Variants in PRKCH observed in about 807,000 individuals in gnomAD.
PRKCH encodes the protein protein kinase C eta.
Under a neutral mutation model 82.5 loss-of-function variants are expected in PRKCH, and 28 were observed. The observed-to-expected ratio is 0.34, with a 90% confidence interval of 0.25 to 0.47. PRKCH has a LOEUF of 0.47. Among genes scored for constraint, PRKCH ranks in the 20% least tolerant of loss-of-function variants. The probability of loss-of-function intolerance (pLI) is 1.00; values close to 1 mark genes in which losing one functional copy is unlikely to be tolerated. For missense variants in PRKCH, 705 were observed against 881.8 expected (o/e 0.80, Z 2.54); for synonymous variants, 322 against 327.4 (o/e 0.98, Z 0.18).
In PRKCH at chr14:61,322,133, A is replaced by G. The variant is rs763038774; in HGVS notation, c.32A>G (p.Tyr11Cys). The change falls in exon 1 of 14, where the codon TAT becomes TGT. Residue 11 changes from tyrosine (Y) to cysteine (C), a missense_variant. Around this residue, in one of 5 missense-constraint regions of PRKCH, gnomAD observed 246 missense variants for 308.0 expected, o/e 0.80. Coordinates refer to ENST00000332981, the MANE Select transcript of PRKCH (RefSeq NM_006255.5). ...TCTGGCACCATGAAGTTCAATGGCTATTTGAGGGTCCGCATCGGTGAGGCA... is the reference window on the plus strand; with the variant it reads ...TCTGGCACCATGAAGTTCAATGGCTGTTTGAGGGTCCGCATCGGTGAGGCA... MSSGTMKFNGYLRVRIGEAVG... is the reference protein window; with the variant it reads MSSGTMKFNGCLRVRIGEAVG... 12 of 1,597,856 alleles carry G rather than the reference A, an allele frequency of 7.5e-6. No homozygotes were observed. The highest frequency in any genetic ancestry group is 1.0e-5 in the Non-Finnish European group (12 of 1,172,262).
chr14:61,507,384 A>T (rs1469262665), intron 10 of PRKCH, among the ~76,000 whole-genome samples: 1 of 152,180 alleles, frequency 6.6e-6, no homozygotes, highest in South Asian at 2.1e-4. Context: ...AGGTTCCTCA[A>T]AAAAATTACA....
chr14:61,548,031 G>A, intron 13 of PRKCH, 145 bp downstream of exon 13: 1 of 1,048,284 alleles, frequency 9.5e-7, no homozygotes, highest in Non-Finnish European at 1.4e-6. Flanking sequence ...TCCCCTGGGG[G>A]GAATCTGGGC....
chr14:61,189,562 AG>A (rs1318390418), intron 1 of PRKCH, among the ~76,000 whole-genome samples: 1 of 151,128 alleles, frequency 6.6e-6, no homozygotes, highest in Non-Finnish European at 1.5e-5. Context: ...TCCTGAGAGT[AG>A]GGGAGGCACA....
At position 61,366,762 on chromosome 14, in the gene PRKCH, T is replaced by C. The variant is rs555685762; in HGVS notation, c.364-24463T>C. ...TCTTCAGCATCTCTGTACTTTATGT[T>C]TATGTGTATACTTAGGCTTGCTTCA... On this transcript the variant is annotated intron_variant, in intron 1 of 13. Coordinates refer to ENST00000332981, the MANE Select transcript of PRKCH (RefSeq NM_006255.5). Among the ~76,000 whole-genome samples the C allele has an allele frequency of 1.3e-3, 204 of 152,194 alleles. 2 individuals carry two copies. The highest frequency in any genetic ancestry group is 6.6e-3 in the South Asian group (32 of 4,830).
At chr14:61,323,485 G>T (rs984977335) in intron 1 of PRKCH, among the ~76,000 whole-genome samples, 1 of 152,156 alleles carries the variant, frequency 6.6e-6, no homozygotes, top group African/African-American at 2.4e-5. Flanking sequence ...TTTAAGTTCT[G>T]GAGGGAGTCA....
intron 1 of PRKCH, among the ~76,000 whole-genome samples, chr14:61,253,295 T>C (rs2140074408): frequency 6.6e-6 from 1 of 152,396 alleles, no homozygotes; most frequent in East Asian, 1.9e-4. Context: ...CCTGCCAGTG[T>C]TGCACATTTT....
At chr14:61,439,606 G>A (rs552382168) in intron 2 of PRKCH, among the ~76,000 whole-genome samples, 7 of 146,790 alleles carry the variant, frequency 4.8e-5, no homozygotes, top group East Asian at 1.9e-4. Flanking sequence ...TGCACTCCCG[G>A]CCTGCTGTGG....
intron 1 of PRKCH, among the ~76,000 whole-genome samples, chr14:61,231,006 A>G (rs1252438999): frequency 1.3e-5 from 2 of 152,238 alleles, no homozygotes; most frequent in Non-Finnish European, 2.9e-5. Flanking sequence ...AAACTACTAC[A>G]TTGATTATAT....
At chr14:61,418,048 C>T (rs1406470319) in intron 2 of PRKCH, among the ~76,000 whole-genome samples, 1 of 152,216 alleles carries the variant, frequency 6.6e-6, no homozygotes, top group Non-Finnish European at 1.5e-5. Context: ...AATTGTCTTA[C>T]ATACGGAATA....
At chr14:61,472,064 A>G (rs1230879242) in intron 9 of PRKCH, among the ~76,000 whole-genome samples, 1 of 152,112 alleles carries the variant, frequency 6.6e-6, no homozygotes, top group Non-Finnish European at 1.5e-5. Flanking sequence ...TGGCATTGTT[A>G]GGGATGGAGC....
At chr14:61,358,058 C>T (rs1434506890) in intron 1 of PRKCH, among the ~76,000 whole-genome samples, 1 of 152,058 alleles carries the variant, frequency 6.6e-6, no homozygotes, top group Non-Finnish European at 1.5e-5. Context: ...AATTTAGAGA[C>T]CATATTATAT....
At chr14:61,460,122 C>T (rs28372494) in intron 9 of PRKCH, among the ~76,000 whole-genome samples, 3,509 of 152,288 alleles carry the variant, frequency 0.023, 145 homozygotes, top group African/African-American at 0.08. Flanking sequence ...TCTGGGATTA[C>T]AGGCGTGAGC....
intron 1 of PRKCH, among the ~76,000 whole-genome samples, chr14:61,325,198 A>C (rs541080705): frequency 1.3e-5 from 2 of 152,364 alleles, no homozygotes; most frequent in East Asian, 3.9e-4. Context: ...GGGGACTTAG[A>C]GTATCTGATT....
At chr14:61,282,319 G>T (rs2140093967) in intron 1 of PRKCH, among the ~76,000 whole-genome samples, 1 of 150,990 alleles carries the variant, frequency 6.6e-6, no homozygotes, top group Non-Finnish European at 1.5e-5. Flanking sequence ...TATACAAGGG[G>T]GTATTGGGAC....
At chr14:61,449,324 C>A in intron 5 of PRKCH, 72 bp downstream of exon 5, 1 of 1,278,654 alleles carries the variant, frequency 7.8e-7, no homozygotes, top group Non-Finnish European at 1.1e-6. Context: ...GTCTCTCTCC[C>A]TCCCTCCCTC....
intron 2 of PRKCH, among the ~76,000 whole-genome samples, chr14:61,402,046 A>T (rs192354358): frequency 6.6e-6 from 1 of 152,256 alleles, no homozygotes; most frequent in Non-Finnish European, 1.5e-5. Context: ...TGGAAAGTTT[A>T]TATCCACCAT....
At chr14:61,462,887 C>T (rs370621401) in intron 9 of PRKCH, among the ~76,000 whole-genome samples, 3 of 152,194 alleles carry the variant, frequency 2.0e-5, no homozygotes, top group Admixed American at 1.3e-4. Flanking sequence ...AGTAACTAGC[C>T]GAGGATCCCT....
chr14:61,440,735 T>C (rs2140273861), intron 2 of PRKCH, among the ~76,000 whole-genome samples: 1 of 152,096 alleles, frequency 6.6e-6, no homozygotes, highest in Middle Eastern at 3.4e-3. Flanking sequence ...TTAGCTGGGC[T>C]TGGTGGTGTG....
At chr14:61,439,352 C>G (rs1594707307) in intron 2 of PRKCH, among the ~76,000 whole-genome samples, 1 of 152,046 alleles carries the variant, frequency 6.6e-6, no homozygotes, top group South Asian at 2.1e-4. Context: ...AACATGGTGA[C>G]AGTGAAAGTC....
Sources: allele counts gnomAD v4.1 joint callset (sites outside exome capture counted in the v4.1 genomes callset), GRCh38; gene constraint gnomAD v4.1.1; regional missense constraint gnomAD v4.1.1; transcripts MANE v1.5; gene names NCBI Gene and HGNC (gene_info 2026-07-23, HGNC 2026-07-21).